The following HMCN1 variants were observed in gnomAD, a reference collection of about 807,000 sequenced individuals.
HMCN1 encodes hemicentin 1.
HMCN1 carries 321 observed loss-of-function variants against 625.9 expected under a neutral mutation model. The ratio of observed to expected loss-of-function variants is 0.51; its 90% CI spans 0.47 to 0.56. HMCN1 has a LOEUF of 0.56. Ranked by LOEUF, HMCN1 falls within the 20% of genes least tolerant of loss-of-function variation. HMCN1 has a pLI of 0.00. For synonymous variants in HMCN1, 2,425 were observed against 2,417.6 expected (o/e 1.00, Z -0.09); for missense variants, 6,588 against 6,887.3 (o/e 0.96, Z 1.54).
chr1:185,898,037 T>G (rs949534698), intron 4 of HMCN1, among the ~76,000 whole-genome samples: 1 of 152,058 alleles, frequency 6.6e-6, no homozygotes, highest in Non-Finnish European at 1.5e-5. Context: ...ATTTTTTCAG[T>G]TTTGAAAGGA....
In HMCN1 at chr1:186,041,116, A is replaced by T; in HGVS notation, c.6284A>T (p.Asp2095Val). 1 of 1,612,862 alleles carries T rather than the reference A, an allele frequency of 6.2e-7. No individual in the cohort carries two copies. The highest frequency in any genetic ancestry group is 8.5e-7 in the Non-Finnish European group (1 of 1,179,102). Reference sequence around the variant, plus strand: ...AATGCTGCTGGAGAAAAGCAAAGGGACATTGACCTCCGAGTATATGGTGAG... The same window carrying T: ...AATGCTGCTGGAGAAAAGCAAAGGGTCATTGACCTCCGAGTATATGGTGAG... ...AVNAAGEKQR[D>V]IDLRVYVPPN... The change falls in exon 40 of 107, where the codon GAC becomes GTC. Residue 2095 changes from aspartate to valine, a missense_variant. Asp to Val is a radical substitution (Grantham distance 152). Coordinates refer to ENST00000271588, the MANE Select transcript of HMCN1 (RefSeq NM_031935.3).
At chr1:185,755,644 A>G (rs1435204283) in intron 1 of HMCN1, among the ~76,000 whole-genome samples, 1 of 152,202 alleles carries the variant, frequency 6.6e-6, no homozygotes, top group Non-Finnish European at 1.5e-5. Flanking sequence ...CTAACTGAGG[A>G]GAACACAACT....
In HMCN1 at chr1:185,933,601, G is replaced by C; in HGVS notation, c.1605G>C (p.Glu535Asp). The C allele has an allele frequency of 1.2e-6, 2 of 1,613,972 alleles. No individual in the cohort carries two copies. Among genetic ancestry groups the C allele is most frequent in the East Asian group, 2.2e-5 (1 of 44,878 alleles). Residue 535 changes from glutamate to aspartate, a missense_variant, in exon 11 of 107, where the codon GAG (glutamate) becomes GAC (aspartate). By Grantham distance (45) the Glu-to-Asp change is conservative. Coordinates refer to ENST00000271588, the MANE Select transcript of HMCN1 (RefSeq NM_031935.3). ...ACAATGTTACAGTCACTCCTGGAGA[G>C]AGAGCAGTTTTAACATGTCTCATCA... ...VPNNVTVTPG[E>D]RAVLTCLIIS...
chr1:185,880,295 A>C (rs1042276758), intron 4 of HMCN1, among the ~76,000 whole-genome samples: 1 of 152,218 alleles, frequency 6.6e-6, no homozygotes, highest in Non-Finnish European at 1.5e-5. Context: ...AGCATAGAAC[A>C]TAAAGCAAAA....
chr1:185,912,337 G>C (rs1666468787), intron 6 of HMCN1, among the ~76,000 whole-genome samples: 1 of 152,064 alleles, frequency 6.6e-6, no homozygotes. Flanking sequence ...GTGCTGTGTT[G>C]GCTTTTTTTT....
At chr1:186,098,276 T>A (rs1660230055) in intron 68 of HMCN1, among the ~76,000 whole-genome samples, 1 of 152,086 alleles carries the variant, frequency 6.6e-6, no homozygotes, top group Non-Finnish European at 1.5e-5. Flanking sequence ...ACCTACAGAA[T>A]GGGAGAAAAT....
At chr1:186,083,725 A>G (rs1659312161) in intron 57 of HMCN1, among the ~76,000 whole-genome samples, 1 of 152,186 alleles carries the variant, frequency 6.6e-6, no homozygotes, top group South Asian at 2.1e-4. Context: ...TTTATGTAGT[A>G]TGATAAATAT....
chr1:185,840,825 T>G (rs1054033525), intron 1 of HMCN1, among the ~76,000 whole-genome samples: 7 of 152,196 alleles, frequency 4.6e-5, no homozygotes, highest in African/African-American at 1.7e-4. Flanking sequence ...TATTCATGTA[T>G]AACTATCAAT....
chr1:185,800,824 G>A (rs1003263201), intron 1 of HMCN1, among the ~76,000 whole-genome samples: 7 of 152,076 alleles, frequency 4.6e-5, no homozygotes, highest in African/African-American at 9.7e-5. Flanking sequence ...ATGTCTGATA[G>A]CATTTCTTCT....
chr1:186,057,275 A>G lies in HMCN1; in HGVS notation c.7186A>G (p.Ile2396Val), dbSNP rs1657396055. 2 of 1,611,382 alleles carry G rather than the reference A, an allele frequency of 1.2e-6. No homozygotes were observed. Among genetic ancestry groups the G allele is most frequent in the African/African-American group, 1.3e-5 (1 of 74,786 alleles). Residue 2396 changes from isoleucine to valine, a missense_variant, in exon 46 of 107, where the codon ATT becomes GTT. Coordinates refer to ENST00000271588, the MANE Select transcript of HMCN1 (RefSeq NM_031935.3). ...IIGNHRSPEN[I>V]SVVEKNSVSL... Reference sequence around the variant, plus strand: ...AGGAAACCACAGGTCACCTGAAAATATTAGTGTGGTAGAAAAGAACTCAGT... The same window carrying G: ...AGGAAACCACAGGTCACCTGAAAATGTTAGTGTGGTAGAAAAGAACTCAGT...
intron 36 of HMCN1, among the ~76,000 whole-genome samples, chr1:186,026,770 G>A (rs1419086865): frequency 6.6e-6 from 1 of 151,926 alleles, no homozygotes; most frequent in Non-Finnish European, 1.5e-5. Flanking sequence ...TAGTAGGGAG[G>A]ACCACAAGCA....
intron 11 of HMCN1, among the ~76,000 whole-genome samples, chr1:185,940,985 C>T (rs1668051053): frequency 6.6e-6 from 1 of 152,180 alleles, no homozygotes; most frequent in South Asian, 2.1e-4. Flanking sequence ...TAGTCTCAAA[C>T]TCCCGACCTC....
intron 105 of HMCN1, among the ~76,000 whole-genome samples, chr1:186,185,615 A>G (rs949196258): frequency 2.0e-5 from 3 of 152,242 alleles, no homozygotes; most frequent in Non-Finnish European, 2.9e-5. Context: ...CTAACCCAGT[A>G]TCTTTTTACT....
intron 4 of HMCN1, among the ~76,000 whole-genome samples, chr1:185,881,491 G>T (rs570011512): frequency 2.0e-4 from 31 of 152,270 alleles, no homozygotes; most frequent in African/African-American, 7.2e-4. Context: ...TGAGTCTGGG[G>T]TCTTTATAGG....
intron 11 of HMCN1, among the ~76,000 whole-genome samples, chr1:185,937,108 G>C (rs894101701): frequency 1.3e-5 from 2 of 152,208 alleles, no homozygotes; most frequent in South Asian, 2.1e-4. Flanking sequence ...TGGATGCTTT[G>C]AAAGCAGCTT....
At chr1:186,090,271 G>C (rs1442634651) in intron 63 of HMCN1, among the ~76,000 whole-genome samples, 1 of 151,868 alleles carries the variant, frequency 6.6e-6, no homozygotes, top group Non-Finnish European at 1.5e-5. Flanking sequence ...CCTATCCATT[G>C]TTCAAAATAA....
intron 36 of HMCN1, among the ~76,000 whole-genome samples, chr1:186,033,629 G>T (rs1429522130): frequency 2.0e-5 from 3 of 151,784 alleles, no homozygotes; most frequent in African/African-American, 7.3e-5. Context: ...CCCATCCGTG[G>T]TTGATTGACA....
intron 86 of HMCN1, among the ~76,000 whole-genome samples, chr1:186,136,284 G>T (rs1167675446): frequency 6.6e-6 from 1 of 152,148 alleles, no homozygotes; most frequent in African/African-American, 2.4e-5. Flanking sequence ...TAAGAGCACT[G>T]TGTGCTTACC....
chr1:185,978,936 T>C (rs1036689794), intron 16 of HMCN1, among the ~76,000 whole-genome samples: 2 of 152,162 alleles, frequency 1.3e-5, no homozygotes, highest in African/African-American at 4.8e-5. Context: ...CCACATCGTC[T>C]TCCCAAAGTA....
Sources: allele counts gnomAD v4.1 joint callset (sites outside exome capture counted in the v4.1 genomes callset), GRCh38; gene constraint gnomAD v4.1.1; transcripts MANE v1.5; gene names NCBI Gene and HGNC (gene_info 2026-07-23, HGNC 2026-07-21).